The following PHF14 variants were observed in gnomAD, a reference collection of about 807,000 sequenced individuals.
PHF14 encodes PHD finger protein 14.
In PHF14, 55 loss-of-function variants were observed where a neutral mutation model predicts 117.9. That is an observed-to-expected ratio of 0.47 (90% CI 0.38 to 0.58). PHF14 has a LOEUF of 0.58. PHF14 is among the 20% of genes least tolerant of loss of function. The probability of loss-of-function intolerance (pLI) is 0.00; values close to 1 mark genes in which losing one functional copy is unlikely to be tolerated. For synonymous variants in PHF14, 409 were observed against 368.6 expected, an observed-to-expected ratio of 1.11 and a Z score of -1.26; for missense variants, 978 against 1,122.2, an observed-to-expected ratio of 0.87 and a Z score of 1.84.
chr7:11,103,170 T>G lies in PHF14; in HGVS notation c.2655-8180T>G, dbSNP rs974901528. 2.5e-5 allele frequency: 24 copies of G among 978,098 alleles called. No individual in the cohort carries two copies. The African/African-American group carries it at 3.2e-4, about 13-fold the overall frequency. 60.6% of individuals were successfully genotyped at this position (978,098 alleles called of 1,614,324 possible). On this transcript the variant is annotated intron_variant, in intron 16 of 17. Transcript: ENST00000634607. ...CATATGACATTCTATTTTTGACTTA[T>G]TAGTCCTAGTGTGAAAGCATTAATA...
intron 4 of PHF14, among the ~76,000 whole-genome samples, chr7:11,013,214 T>A (rs1046210916): frequency 1.3e-5 from 2 of 152,156 alleles, no homozygotes; most frequent in Non-Finnish European, 2.9e-5. Context: ...CAGGCTGGAG[T>A]GCAGTGGCGC....
chr7:11,077,964 A>T (rs1272817472), intron 16 of PHF14, among the ~76,000 whole-genome samples: 1 of 152,236 alleles, frequency 6.6e-6, no homozygotes, highest in East Asian at 1.9e-4. Flanking sequence ...CTTAAATTTC[A>T]AGAAGATATA....
intron 16 of PHF14, chr7:11,105,160 G>C: frequency 1.0e-6 from 1 of 974,172 alleles, no homozygotes; most frequent in South Asian, 4.8e-5. Flanking sequence ...TTAGGGTTAT[G>C]TTTTAACATG....
chr7:11,055,822 TA>T lies in PHF14; in HGVS notation c.2481+4043del, dbSNP rs368598730. Among the ~76,000 whole-genome samples, 34 of 145,870 alleles carry T rather than the reference TA, an allele frequency of 2.3e-4. No homozygotes were observed. The East Asian group carries it at 5.9e-3, about 25-fold the overall frequency. ...GTCTTGAGAATCTGAAAATATGAAATATGTTTCATATAAATATTTTTTAGAT... is the reference window on the plus strand; with the variant it reads ...GTCTTGAGAATCTGAAAATATGAAATTGTTTCATATAAATATTTTTTAGAT... On this transcript the variant is annotated intron_variant, in intron 14 of 17. Transcript: ENST00000634607.
chr7:11,107,810 A>G (rs1013685198), intron 16 of PHF14: 1 of 780,834 alleles, frequency 1.3e-6, no homozygotes, highest in Non-Finnish European at 1.6e-6. Context: ...TTCACTATTT[A>G]TTTTGATAAA....
At chr7:10,988,233 A>G (rs1782302834) in intron 3 of PHF14, among the ~76,000 whole-genome samples, 1 of 152,282 alleles carries the variant, frequency 6.6e-6, no homozygotes, top group South Asian at 2.1e-4. Flanking sequence ...ACATTAGTTA[A>G]TGTTGTTTTC....
intron 17 of PHF14, among the ~76,000 whole-genome samples, chr7:11,167,567 A>G (rs984599697): frequency 6.6e-6 from 1 of 152,234 alleles, no homozygotes; most frequent in Admixed American, 6.5e-5. Flanking sequence ...TATAAGATAC[A>G]GAAGATAAAA....
At chr7:11,161,818 T>C (rs1048493296) in intron 17 of PHF14, among the ~76,000 whole-genome samples, 1 of 146,462 alleles carries the variant, frequency 6.8e-6, no homozygotes, top group Non-Finnish European at 1.5e-5. Flanking sequence ...GGGTAATAAC[T>C]TTTAAATAAA....
rs1481644562 is a variant in PHF14, at chr7:11,035,768, A to G, written c.1584A>G (p.Gln528=). The part of the protein sequence containing the change: ...CKMSLQEREK[Q]LSPEAQARIN... ...TGTCTTTGCAAGAGAGAGAGAAGCAACTATCACCAGAAGCACAGGTATGGG... is the reference window on the plus strand; with the variant it reads ...TGTCTTTGCAAGAGAGAGAGAAGCAGCTATCACCAGAAGCACAGGTATGGG... The change falls in exon 8 of 18, where the codon CAA becomes CAG. Residue 528 remains glutamine (Q), a synonymous_variant. Transcript: ENST00000634607. The G allele has an allele frequency of 5.0e-6, 8 of 1,606,960 alleles. No individual in the cohort carries two copies. Among genetic ancestry groups the G allele is most frequent in the Non-Finnish European group, 6.8e-6 (8 of 1,176,394 alleles).
intron 5 of PHF14, among the ~76,000 whole-genome samples, chr7:11,017,621 G>A (rs1783577860): frequency 1.3e-5 from 2 of 151,994 alleles, no homozygotes; most frequent in African/African-American, 2.4e-5. Context: ...TTCCTGTGGA[G>A]TTATTTGAAC....
chr7:11,032,012 T>G (rs1001350715), intron 7 of PHF14, among the ~76,000 whole-genome samples: 3 of 152,074 alleles, frequency 2.0e-5, no homozygotes, highest in Non-Finnish European at 2.9e-5. Flanking sequence ...CCCAGTACTT[T>G]GGGAGGCCAA....
chr7:11,077,036 A>G (rs146709375), intron 16 of PHF14, among the ~76,000 whole-genome samples: 93 of 152,068 alleles, frequency 6.1e-4, no homozygotes, highest in African/African-American at 1.9e-3. Flanking sequence ...CATATATACT[A>G]CATTTAATAC....
chr7:10,980,598 A>G (rs1782017102), intron 2 of PHF14, among the ~76,000 whole-genome samples: 1 of 152,168 alleles, frequency 6.6e-6, no homozygotes, highest in African/African-American at 2.4e-5. Flanking sequence ...ACACTCTTGA[A>G]ATCCAAGAAG....
At chr7:11,131,975 T>G (rs570577240) in intron 17 of PHF14, among the ~76,000 whole-genome samples, 3 of 151,956 alleles carry the variant, frequency 2.0e-5, no homozygotes, top group African/African-American at 7.2e-5. Flanking sequence ...TTAAAAATTT[T>G]TTATTGTGTA....
intron 4 of PHF14, chr7:11,006,568 C>T: frequency 1.7e-6 from 1 of 596,420 alleles, no homozygotes. Flanking sequence ...TTGGCTTTAA[C>T]TTCCTCAGTG....
intron 16 of PHF14, chr7:11,104,569 C>T (rs1411153670): frequency 3.1e-6 from 3 of 982,406 alleles, no homozygotes; most frequent in Non-Finnish European, 3.6e-6. Flanking sequence ...GTTTATCACA[C>T]AGTAGGGAAA....
At chr7:11,062,902 T>G in intron 16 of PHF14, 1 of 983,586 alleles carries the variant, frequency 1.0e-6, no homozygotes, top group Non-Finnish European at 1.2e-6. Context: ...AATCCATTCT[T>G]ATTTCTTTAA....
At chr7:11,097,308 C>T (rs1170212070) in intron 16 of PHF14, among the ~76,000 whole-genome samples, 1 of 152,048 alleles carries the variant, frequency 6.6e-6, no homozygotes, top group East Asian at 1.9e-4. Context: ...GTATTTTATT[C>T]ATATTGCCAC....
intron 17 of PHF14, among the ~76,000 whole-genome samples, chr7:11,112,291 A>T (rs1408679871): frequency 6.6e-6 from 1 of 152,120 alleles, no homozygotes; most frequent in Non-Finnish European, 1.5e-5. Flanking sequence ...TACTTAAATG[A>T]TTTTTTTGGT....
Sources: allele counts gnomAD v4.1 joint callset (sites outside exome capture counted in the v4.1 genomes callset), GRCh38; gene constraint gnomAD v4.1.1; transcripts MANE v1.5; gene names NCBI Gene and HGNC (gene_info 2026-07-23, HGNC 2026-07-21).